RGS5: variants seen among roughly 807,000 people sequenced by gnomAD.
The protein encoded by RGS5 is regulator of G protein signaling 5.
Under a neutral mutation model 18.9 loss-of-function variants are expected in RGS5, and 20 were observed. The observed-to-expected ratio is 1.06, with a 90% CI of 0.74 to 1.54. The LOEUF (loss-of-function observed/expected upper bound fraction) is 1.54. Among genes scored for constraint, RGS5 ranks in the 40% most tolerant of loss-of-function variants. RGS5 has a pLI of 0.00. For missense variants in RGS5, 201 were observed against 211.8 expected, an observed-to-expected ratio of 0.95 and a Z score of 0.32; for synonymous variants, 57 against 76.2, an observed-to-expected ratio of 0.75 and a Z score of 1.31.
chr1:163,155,787 C>T (rs1340828863), intron 3 of RGS5, among the ~76,000 whole-genome samples: 1 of 152,178 alleles, frequency 6.6e-6, no homozygotes, highest in African/African-American at 2.4e-5. Flanking sequence ...ACATTCTTCC[C>T]TGCTGAGCCT....
intron 2 of RGS5, among the ~76,000 whole-genome samples, chr1:163,249,748 GCCACCGCACTCCAACCT>G (rs1360864526): frequency 1.3e-5 from 2 of 152,106 alleles, no homozygotes; most frequent in African/African-American, 2.4e-5. Context: ...CTGAGATCAC[GCCACCGCACTCCAACCT>G]GAGCAACAGA....
rs1018175947 is a variant in RGS5, at chr1:163,259,407, G to A, written c.-281+46826C>T. On this transcript the variant is annotated intron_variant, in intron 2 of 5. Coordinates refer to the RGS5 transcript ENST00000618415. ...TCTCGATCTCCTGACCTCGTGATCC[G>A]CCCGCCTCTGCTTCCCAAAGTGTTG... Among the ~76,000 whole-genome samples the A allele has an allele frequency of 7.4e-5, 11 of 149,604 alleles. No individual in the cohort carries two copies. The South Asian group carries it at 1.5e-3, about 20-fold the overall frequency.
intron 1 of RGS5, among the ~76,000 whole-genome samples, chr1:163,178,688 G>A (rs1353512686): frequency 6.6e-6 from 1 of 152,092 alleles, no homozygotes; most frequent in East Asian, 1.9e-4. Flanking sequence ...CTATAAGCAT[G>A]AAAGGCCCCT....
At chr1:163,178,603 T>C (rs1658669684) in intron 1 of RGS5, among the ~76,000 whole-genome samples, 1 of 152,136 alleles carries the variant, frequency 6.6e-6, no homozygotes, top group South Asian at 2.1e-4. Context: ...GGGCTCTAGC[T>C]TCAAGAGATT....
chr1:163,172,058 C>A (rs138389775), intron 1 of RGS5, among the ~76,000 whole-genome samples: 1 of 151,992 alleles, frequency 6.6e-6, no homozygotes, highest in Admixed American at 6.6e-5. Flanking sequence ...AGGGTGGGTG[C>A]GTGTTATTTT....
At chr1:163,282,905 T>C (rs764773102) in intron 2 of RGS5, among the ~76,000 whole-genome samples, 34 of 152,128 alleles carry the variant, frequency 2.2e-4, no homozygotes, top group Non-Finnish European at 2.8e-4. Context: ...TACAGATGAA[T>C]TGAATAAGAA....
At chr1:163,223,274 C>A (rs1017575507) in intron 2 of RGS5, among the ~76,000 whole-genome samples, 3 of 152,160 alleles carry the variant, frequency 2.0e-5, no homozygotes, top group Non-Finnish European at 4.4e-5. Context: ...TAAAGCATTG[C>A]CAACTGACCA....
At chr1:163,156,898 A>G (rs971013505) in intron 3 of RGS5, among the ~76,000 whole-genome samples, 3 of 152,236 alleles carry the variant, frequency 2.0e-5, no homozygotes, top group Non-Finnish European at 4.4e-5. Context: ...TGCTTGGCAC[A>G]TGATGAGTAA....
intron 1 of RGS5, among the ~76,000 whole-genome samples, chr1:163,197,854 A>G (rs1659626310): frequency 6.6e-6 from 1 of 152,166 alleles, no homozygotes; most frequent in South Asian, 2.1e-4. Flanking sequence ...ATGGTCCTCA[A>G]TTCATTCCAA....
chr1:163,240,641 C>G (rs1262083303), intron 2 of RGS5, among the ~76,000 whole-genome samples: 1 of 152,116 alleles, frequency 6.6e-6, no homozygotes, highest in Non-Finnish European at 1.5e-5. Context: ...CTTAGTCTCT[C>G]AAGTAGCTGG....
chr1:163,238,654 G>T, intron 2 of RGS5: 1 of 268,004 alleles, frequency 3.7e-6, no homozygotes, highest in Non-Finnish European at 7.4e-6. Flanking sequence ...TGAGGATTTG[G>T]GTGGAACTGA....
At chr1:163,179,717 A>G (rs1191486487) in intron 1 of RGS5, among the ~76,000 whole-genome samples, 4 of 152,232 alleles carry the variant, frequency 2.6e-5, no homozygotes, top group Non-Finnish European at 5.9e-5. Context: ...AAAGGAAATA[A>G]GTTTAGTGAG....
intron 1 of RGS5, among the ~76,000 whole-genome samples, chr1:163,197,816 CTG>C (rs1659624072): frequency 6.6e-6 from 1 of 152,142 alleles, no homozygotes; most frequent in African/African-American, 2.4e-5. Context: ...ACCAGAAGCT[CTG>C]CTAGGACCTC....
intron 2 of RGS5, among the ~76,000 whole-genome samples, chr1:163,257,487 G>T (rs1196580068): frequency 6.6e-6 from 1 of 152,116 alleles, no homozygotes; most frequent in African/African-American, 2.4e-5. Flanking sequence ...CTCCCAGCCT[G>T]CCATCAAACG....
At chr1:163,269,423 A>G (rs1282080473) in intron 2 of RGS5, among the ~76,000 whole-genome samples, 1 of 152,144 alleles carries the variant, frequency 6.6e-6, no homozygotes, top group Non-Finnish European at 1.5e-5. Context: ...TAGCAGGGCC[A>G]GAGGGGTTTA....
chr1:163,240,307 A>G (rs1269459908), intron 2 of RGS5, among the ~76,000 whole-genome samples: 1 of 152,160 alleles, frequency 6.6e-6, no homozygotes, highest in Non-Finnish European at 1.5e-5. Context: ...CTAATAGTGT[A>G]TGCAAAAACA....
At chr1:163,282,933 T>C (rs1317473048) in intron 2 of RGS5, among the ~76,000 whole-genome samples, 2 of 152,102 alleles carry the variant, frequency 1.3e-5, no homozygotes, top group Non-Finnish European at 2.9e-5. Context: ...TATATATACA[T>C]AATGGAATAC....
In RGS5 at chr1:163,226,498, G is replaced by A. The variant is rs559681327; in HGVS notation, c.-280-58130C>T. Among the ~76,000 whole-genome samples, 7 of 152,176 alleles carry A rather than the reference G, an allele frequency of 4.6e-5. No homozygotes were observed. In the East Asian group the frequency reaches 1.4e-3, roughly 29 times the overall value. On this transcript the variant is annotated intron_variant, in intron 2 of 5. Coordinates refer to the RGS5 transcript ENST00000618415. Reference sequence around the variant, plus strand: ...TGCTCAACTGATGCTAGAGTCTCTGGTCTCCAAAAGAGGGCACGTTGGGAC... The same window carrying A: ...TGCTCAACTGATGCTAGAGTCTCTGATCTCCAAAAGAGGGCACGTTGGGAC...
At chr1:163,251,011 C>A (rs1464243040) in intron 2 of RGS5, among the ~76,000 whole-genome samples, 1 of 152,132 alleles carries the variant, frequency 6.6e-6, no homozygotes, top group African/African-American at 2.4e-5. Flanking sequence ...AAGCACTGTG[C>A]AAAGAACTGG....
Sources: allele counts gnomAD v4.1 joint callset (sites outside exome capture counted in the v4.1 genomes callset), GRCh38; gene constraint gnomAD v4.1.1; transcripts MANE v1.5; gene names NCBI Gene and HGNC (gene_info 2026-07-23, HGNC 2026-07-21).